DNER: variants seen among roughly 807,000 people sequenced by gnomAD.
DNER encodes delta and Notch-like epidermal growth factor-related receptor.
DNER carries 33 observed loss-of-function variants against 78.2 expected under a neutral mutation model. The observed-to-expected ratio is 0.42, with a 90% CI of 0.32 to 0.56. DNER has a LOEUF of 0.56. Ranked by LOEUF, DNER falls within the 20% of genes least tolerant of loss-of-function variation. The pLI, the probability that DNER is intolerant of heterozygous loss-of-function variation, is 0.11. For missense variants in DNER, 918 were observed against 975.3 expected, an observed-to-expected ratio of 0.94 and a Z score of 0.78; for synonymous variants, 417 against 384.8, an observed-to-expected ratio of 1.08 and a Z score of -0.98.
At chr2:229,553,039 G>A (rs1271935127) in intron 4 of DNER, among the ~76,000 whole-genome samples, 1 of 152,132 alleles carries the variant, frequency 6.6e-6, no homozygotes, top group Non-Finnish European at 1.5e-5. Context: ...GCTCATCCAG[G>A]CCATCGCATC....
At chr2:229,522,884 C>A (rs1192130196) in intron 5 of DNER, among the ~76,000 whole-genome samples, 1 of 152,190 alleles carries the variant, frequency 6.6e-6, no homozygotes, top group East Asian at 1.9e-4. Flanking sequence ...TCCCAACAGC[C>A]TTCCAAAATA....
At chr2:229,489,629 G>C (rs1281257269) in intron 6 of DNER, among the ~76,000 whole-genome samples, 1 of 152,000 alleles carries the variant, frequency 6.6e-6, no homozygotes, top group East Asian at 1.9e-4. Context: ...GGCTGGGCTA[G>C]AAGGGGTCTG....
intron 6 of DNER, among the ~76,000 whole-genome samples, chr2:229,478,069 T>A (rs917592576): frequency 6.6e-6 from 1 of 152,084 alleles, no homozygotes; most frequent in Non-Finnish European, 1.5e-5. Context: ...CATTATAAAG[T>A]GGAAAACGGT....
chr2:229,575,607 A>G (rs1223480908), intron 4 of DNER, among the ~76,000 whole-genome samples: 4 of 152,178 alleles, frequency 2.6e-5, no homozygotes, highest in Non-Finnish European at 5.9e-5. Context: ...TAGGAAGAGA[A>G]ACATCTCATC....
chr2:229,494,697 A>G (rs986876542), intron 6 of DNER, among the ~76,000 whole-genome samples: 2 of 152,206 alleles, frequency 1.3e-5, no homozygotes, highest in African/African-American at 4.8e-5. Context: ...TAGAGGTGGG[A>G]TTATACCATC....
intron 4 of DNER, among the ~76,000 whole-genome samples, chr2:229,563,161 TCAC>T: frequency 1.0e-5 from 1 of 99,994 alleles, no homozygotes; most frequent in African/African-American, 4.3e-5. Flanking sequence ...CCTCACCCCA[TCAC>T]CATCATCATC....
At chr2:229,520,328 C>T (rs1303813175) in intron 5 of DNER, among the ~76,000 whole-genome samples, 1 of 152,154 alleles carries the variant, frequency 6.6e-6, no homozygotes, top group Non-Finnish European at 1.5e-5. Context: ...ATTAGGAGGA[C>T]AGTCCCAAGC....
intron 5 of DNER, among the ~76,000 whole-genome samples, chr2:229,531,139 A>G (rs886434897): frequency 1.3e-5 from 2 of 152,228 alleles, no homozygotes; most frequent in African/African-American, 4.8e-5. Context: ...GAGAATGAGC[A>G]GATATGTCAG....
intron 8 of DNER, among the ~76,000 whole-genome samples, chr2:229,437,810 G>A (rs1167318672): frequency 6.6e-6 from 1 of 152,192 alleles, no homozygotes; most frequent in East Asian, 1.9e-4. Context: ...CCAGAGCCAG[G>A]TGAAAAGAAA....
intron 1 of DNER, among the ~76,000 whole-genome samples, chr2:229,619,116 G>A (rs1044172922): frequency 1.3e-5 from 2 of 151,690 alleles, no homozygotes; most frequent in African/African-American, 4.8e-5. Context: ...CCAGCCTGGG[G>A]GACAAAGTGA....
At chr2:229,493,241 C>A (rs138827964) in intron 6 of DNER, among the ~76,000 whole-genome samples, 176 of 152,264 alleles carry the variant, frequency 1.2e-3, no homozygotes, top group African/African-American at 3.9e-3. Context: ...TTAGTAGGAA[C>A]AATGTAGTGC....
intron 11 of DNER, among the ~76,000 whole-genome samples, chr2:229,380,501 T>C (rs1199816034): frequency 6.6e-6 from 1 of 152,158 alleles, no homozygotes; most frequent in African/African-American, 2.4e-5. Context: ...CAATCTGGAA[T>C]AGGGAGGAAA....
intron 4 of DNER, among the ~76,000 whole-genome samples, chr2:229,555,355 T>C (rs1252145140): frequency 6.6e-6 from 1 of 152,166 alleles, no homozygotes; most frequent in Non-Finnish European, 1.5e-5. Context: ...CCCAGCAGCC[T>C]TTACACATCT....
In DNER at chr2:229,515,951, T is replaced by C. The variant is rs533077359; in HGVS notation, c.994-3015A>G. Among the ~76,000 whole-genome samples, 12 of 152,332 alleles carry C rather than the reference T, an allele frequency of 7.9e-5. No homozygotes were observed. The South Asian group carries it at 2.5e-3, about 32-fold the overall frequency. On this transcript the variant is annotated intron_variant, in intron 5 of 12. Coordinates refer to ENST00000341772, the MANE Select transcript of DNER (RefSeq NM_139072.4). ...GCCACCGCACCCAGCCTCTTCAAGT[T>C]AGCTTTGATTGAATTTAGAGATAAA...
rs1221832359 is a variant in DNER, at chr2:229,475,505, T to C, written c.1261+1635A>G. 3.9e-5 allele frequency among the ~76,000 whole-genome samples: 6 copies of C among 152,240 alleles called. No individual in the cohort carries two copies. The East Asian group carries it at 1.2e-3, about 29-fold the overall frequency. On this transcript the variant is annotated intron_variant, in intron 7 of 12. Transcript: ENST00000341772. Reference sequence around the variant, plus strand: ...CTTCTGTGCATCTTCAAAGCACCTATTCCTGCATGTAATTACATACTTATC... The same window carrying C: ...CTTCTGTGCATCTTCAAAGCACCTACTCCTGCATGTAATTACATACTTATC...
intron 10 of DNER, among the ~76,000 whole-genome samples, chr2:229,398,329 C>G (rs1041813335): frequency 6.7e-5 from 10 of 148,188 alleles, no homozygotes; most frequent in African/African-American, 2.6e-4. Flanking sequence ...GATTTAAATA[C>G]TTTTATAACT....
intron 1 of DNER, among the ~76,000 whole-genome samples, chr2:229,607,833 G>A (rs1230445345): frequency 6.6e-6 from 1 of 151,838 alleles, no homozygotes; most frequent in Non-Finnish European, 1.5e-5. Context: ...GACCAGCCTG[G>A]CCAACATGAT....
rs1340506814 is a variant in DNER at position 229,700,370 on chromosome 2, CTG to C, written c.276+13776_276+13777del. ...TTTTTTTTTGAGACAGCATCTCACT[CTG>C]TCATCCAGGCTGGAGTGCAGTGGTG... On this transcript the variant is annotated intron_variant, in intron 1 of 12. Transcript: ENST00000341772. 7.5e-5 allele frequency among the ~76,000 whole-genome samples: 11 copies of C among 147,018 alleles called. No individual in the cohort carries two copies. In the South Asian group the frequency reaches 1.7e-3, roughly 23 times the overall value.
chr2:229,598,890 A>C (rs1574920954), intron 1 of DNER, among the ~76,000 whole-genome samples: 1 of 152,108 alleles, frequency 6.6e-6, no homozygotes, highest in South Asian at 2.1e-4. Context: ...GGCCTCCTCC[A>C]GCTTGAAGAC....
Sources: gnomAD v4.1 joint callset for allele counts (sites outside exome capture counted in the v4.1 genomes callset) on GRCh38, gnomAD v4.1.1 for gene constraint, MANE v1.5 for transcripts, NCBI Gene and HGNC (gene_info 2026-07-23, HGNC 2026-07-21) for gene names.